The following IL5RA variants were observed in gnomAD, a reference collection of about 807,000 sequenced individuals.
The protein encoded by IL5RA is interleukin-5 receptor subunit alpha.
IL5RA carries 49 observed loss-of-function variants against 50.0 expected under a neutral mutation model. The ratio of observed to expected loss-of-function variants is 0.98; its 90% confidence interval spans 0.78 to 1.24. The LOEUF is 1.24. IL5RA is among the 50% of genes most tolerant of loss of function. The pLI is 0.00. For synonymous variants in IL5RA, 202 were observed against 174.0 expected (o/e 1.16, Z -1.26); for missense variants, 600 against 500.4 (o/e 1.20, Z -1.90).
In IL5RA at chr3:3,074,832, G is replaced by A; in HGVS notation, c.1126C>T (p.Pro376Ser). 1 of 1,610,970 alleles carries A rather than the reference G, an allele frequency of 6.2e-7. No individual in the cohort carries two copies. Residue 376 changes from proline to serine, a missense_variant, in exon 11 of 12, where the codon CCA becomes TCA. Transcript: ENST00000446632. Reference protein sequence around the residue: ...HLWIKLFPPIPAPKSNIKDLF... With the variant: ...HLWIKLFPPISAPKSNIKDLF... The stretch of plus-strand genomic sequence containing the variant: ...TCTTTGATATTACTTTTTGGTGCTG[G>A]AATTGGTGGAAACAACTTGATCCAT...
intron 7 of IL5RA, among the ~76,000 whole-genome samples, chr3:3,097,358 AG>A (rs1479488242): frequency 6.6e-6 from 1 of 152,206 alleles, no homozygotes; most frequent in Non-Finnish European, 1.5e-5. Context: ...TGAACAGCTA[AG>A]AGAGGCTATT....
Position 3,092,172 on chromosome 3 carries a change from T to G in IL5RA, c.994+52A>C, listed in dbSNP as rs758733522. 1.5e-5 allele frequency: 24 copies of G among 1,589,678 alleles called. No individual in the cohort carries two copies. The highest frequency in any genetic ancestry group is 2.1e-5 in the Non-Finnish European group (24 of 1,169,386). On this transcript the variant is annotated intron_variant, in intron 9 of 11. Transcript: ENST00000446632. This position sits in a 1 kb window ranked among gnomAD's most constrained non-coding sequence, Gnocchi z 4.2. ...GAACGGGTACGTTTCTGGGATTACCTTTTTTGATCACAAGGAAGGCTGCCA... is the reference window on the plus strand; with the variant it reads ...GAACGGGTACGTTTCTGGGATTACCGTTTTTGATCACAAGGAAGGCTGCCA...
At chr3:3,082,725 C>T (rs757072027) in intron 9 of IL5RA, among the ~76,000 whole-genome samples, 9 of 152,188 alleles carry the variant, frequency 5.9e-5, no homozygotes, top group Non-Finnish European at 1.3e-4. Flanking sequence ...CTAGTCCCAG[C>T]TCTGCCTCTG....
chr3:3,099,901 C>G (rs1317569951), intron 5 of IL5RA, among the ~76,000 whole-genome samples: 2 of 152,070 alleles, frequency 1.3e-5, no homozygotes, highest in African/African-American at 4.8e-5. Flanking sequence ...AACACTTAAC[C>G]TCAAGTGATC....
intron 5 of IL5RA, among the ~76,000 whole-genome samples, chr3:3,100,377 C>T (rs1703587571): frequency 6.6e-6 from 1 of 152,158 alleles, no homozygotes; most frequent in South Asian, 2.1e-4. Context: ...GAAGAACTAC[C>T]TCAAAGCAAA....
At chr3:3,072,073 T>A (rs562304263) in intron 11 of IL5RA, among the ~76,000 whole-genome samples, 10 of 152,328 alleles carry the variant, frequency 6.6e-5, no homozygotes, top group East Asian at 1.9e-4. Flanking sequence ...CCACTGCCCA[T>A]AGCACCAATG....
chr3:3,106,561 A>C (rs3804793), intron 2 of IL5RA, among the ~76,000 whole-genome samples: 17,070 of 152,174 alleles, frequency 0.11, 1,086 homozygotes, highest in South Asian at 0.17. Flanking sequence ...GAAATTAAAA[A>C]AAAAATGAAA....
At chr3:3,093,752 C>T (rs1703236118) in intron 8 of IL5RA, among the ~76,000 whole-genome samples, 2 of 152,204 alleles carry the variant, frequency 1.3e-5, no homozygotes, top group Admixed American at 6.5e-5. Flanking sequence ...AACCCCAAGG[C>T]TGGGCAAGTA....
chr3:3,070,722 A>G (rs1371974781), intron 11 of IL5RA, among the ~76,000 whole-genome samples: 6 of 151,732 alleles, frequency 4.0e-5, no homozygotes, highest in East Asian at 1.9e-4. Flanking sequence ...AGCTGGGACT[A>G]CAAGTACACA....
intron 9 of IL5RA, among the ~76,000 whole-genome samples, chr3:3,085,650 ACATCAGCCCATGAATATCAAGT>A (rs1702826391): frequency 6.6e-6 from 1 of 152,202 alleles, no homozygotes; most frequent in Non-Finnish European, 1.5e-5. Context: ...GTCACCTCAC[ACATCAGCCCATGAATATCAAGT>A]CAAAAGAAAA....
intron 11 of IL5RA, among the ~76,000 whole-genome samples, chr3:3,070,573 A>ATTTT (rs1559858173): frequency 9.4e-6 from 1 of 106,232 alleles, no homozygotes; most frequent in African/African-American, 4.2e-5. Context: ...ATGGATACAC[A>ATTTT]TCTTTTTTTT....
intron 10 of IL5RA, among the ~76,000 whole-genome samples, chr3:3,075,954 A>T (rs915738363): frequency 1.3e-5 from 2 of 152,200 alleles, no homozygotes; most frequent in African/African-American, 4.8e-5. Context: ...CATGTTTTTA[A>T]GCCTCCTAAA....
intron 2 of IL5RA, among the ~76,000 whole-genome samples, chr3:3,105,944 CT>C (rs1173252191): frequency 2.0e-5 from 3 of 152,186 alleles, no homozygotes; most frequent in East Asian, 3.8e-4. Context: ...TGGCTTCCCC[CT>C]GTGTTGTCCT....
intron 9 of IL5RA, among the ~76,000 whole-genome samples, chr3:3,091,540 T>C (rs1444324528): frequency 6.6e-6 from 1 of 152,186 alleles, no homozygotes; most frequent in Non-Finnish European, 1.5e-5. Flanking sequence ...GAGACCAGCC[T>C]GACCAACGTG....
chr3:3,080,671 C>T (rs1347790159), intron 9 of IL5RA, among the ~76,000 whole-genome samples: 1 of 152,140 alleles, frequency 6.6e-6, no homozygotes, highest in Non-Finnish European at 1.5e-5. Context: ...GACTGAAGCC[C>T]TTTATTAAAA....
At chr3:3,071,731 A>T (rs958109408) in intron 11 of IL5RA, among the ~76,000 whole-genome samples, 15 of 152,072 alleles carry the variant, frequency 9.9e-5, no homozygotes, top group African/African-American at 3.6e-4. Context: ...CTGAGGCTAC[A>T]GGTGTGCACC....
chr3:3,103,055 G>A (rs1559879414), intron 3 of IL5RA: 1 of 326,452 alleles, frequency 3.1e-6, no homozygotes, highest in South Asian at 4.8e-5. Flanking sequence ...GGGTTTTTTG[G>A]TATTTTTAAT....
intron 2 of IL5RA, among the ~76,000 whole-genome samples, chr3:3,106,977 C>A (rs139129721): frequency 6.1e-4 from 93 of 152,210 alleles, no homozygotes; most frequent in Middle Eastern, 3.4e-3. Flanking sequence ...TGTTGAATAT[C>A]TCAGTGGAGA....
chr3:3,103,168 C>T (rs190351654), intron 3 of IL5RA, among the ~76,000 whole-genome samples: 174 of 152,320 alleles, frequency 1.1e-3, no homozygotes, highest in Non-Finnish European at 1.9e-3. Flanking sequence ...CAGGCATGAG[C>T]CACCACGCCT....
Sources: gnomAD v4.1 joint callset for allele counts (sites outside exome capture counted in the v4.1 genomes callset) on GRCh38, gnomAD v4.1.1 for gene constraint, Gnocchi (gnomAD v3.1) non-coding constraint, MANE v1.5 for transcripts, NCBI Gene and HGNC (gene_info 2026-07-23, HGNC 2026-07-21) for gene names.